The following SAR1B variants were observed in gnomAD, a reference collection of about 807,000 sequenced individuals.
The protein encoded by SAR1B is secretion associated Ras related GTPase 1B, also known as small COPII coat GTPase SAR1B.
SAR1B carries 23 observed loss-of-function variants against 26.8 expected under a neutral mutation model. That is an observed-to-expected ratio of 0.86 (90% CI 0.62 to 1.22). SAR1B has a LOEUF of 1.22. Ranked by LOEUF, SAR1B falls within the 50% of genes most tolerant of loss-of-function variation. The pLI is 0.00. For missense variants in SAR1B, 196 were observed against 232.8 expected (o/e 0.84, Z 1.03); for synonymous variants, 65 against 80.8 (o/e 0.80, Z 1.05).
chr5:134,607,208 T>C lies in SAR1B; in HGVS notation c.481-142A>G. 8.4e-6 allele frequency: 6 copies of C among 710,536 alleles called. 1 individual carries two copies. Among genetic ancestry groups the C allele is most frequent in the Middle Eastern group, 3.8e-4 (1 of 2,630 alleles). The allele number at this position is 710,536 out of a possible 1,614,324, so 44.0% of individuals were successfully genotyped here. A position where few individuals can be genotyped will look rare whatever the true frequency, so the allele number is the denominator to read the frequency against. ...GTGATAAAGTCGTGGCTGCTTGGCATCCAAGCCCCATGAACACACAAGAAG... is the reference window on the plus strand; with the variant it reads ...GTGATAAAGTCGTGGCTGCTTGGCACCCAAGCCCCATGAACACACAAGAAG... On this transcript the variant is annotated intron_variant, in intron 6 of 6. Coordinates refer to ENST00000402673, the MANE Select transcript of SAR1B (RefSeq NM_016103.4).
intron 1 of SAR1B, among the ~76,000 whole-genome samples, chr5:134,624,608 T>C (rs1341276912): frequency 1.4e-5 from 2 of 147,658 alleles, no homozygotes; most frequent in Non-Finnish European, 3.0e-5. Flanking sequence ...ATGTTGGAAA[T>C]GGGATAAGGG....
intron 4 of SAR1B, among the ~76,000 whole-genome samples, chr5:134,611,999 T>C (rs560253761): frequency 6.6e-6 from 1 of 152,246 alleles, no homozygotes; most frequent in African/African-American, 2.4e-5. Flanking sequence ...AGACCCTGTC[T>C]CTATAAGATA....
At chr5:134,611,394 G>A (rs918303043) in intron 4 of SAR1B, among the ~76,000 whole-genome samples, 1 of 152,038 alleles carries the variant, frequency 6.6e-6, no homozygotes, top group African/African-American at 2.4e-5. Context: ...GACTTACTAT[G>A]AGGTAGATGT....
chr5:134,608,353 A>ATTTTT lies in SAR1B; in HGVS notation c.480+14_480+18dup. The ATTTTT allele has an allele frequency of 2.0e-6, 3 of 1,468,510 alleles. No homozygotes were observed. The East Asian group carries it at 7.5e-5, about 37-fold the overall frequency. The allele number at this position is 1,468,510 out of a possible 1,614,324, so 91.0% of individuals were successfully genotyped here. A position where few individuals can be genotyped will look rare whatever the true frequency, so the allele number is the denominator to read the frequency against. ...TGTAGAATTAAACACACCCATCATA[A>ATTTTT]TTTTTTTTTTTTTTTTACCTTTCCT... On this transcript the variant is annotated intron_variant, in intron 6 of 6. Transcript: ENST00000402673.
chr5:134,626,551 G>A (rs898352842), intron 1 of SAR1B, among the ~76,000 whole-genome samples: 34 of 152,052 alleles, frequency 2.2e-4, no homozygotes, highest in Admixed American at 7.9e-4. Flanking sequence ...ACATACACAC[G>A]TCAGCAGATT....
At chr5:134,615,297 G>A (rs980734556) in intron 3 of SAR1B, among the ~76,000 whole-genome samples, 7 of 149,862 alleles carry the variant, frequency 4.7e-5, no homozygotes, top group African/African-American at 7.4e-5. Context: ...GCAATGAGCC[G>A]AGATTGCCCC....
intron 6 of SAR1B, among the ~76,000 whole-genome samples, chr5:134,608,134 A>C (rs1765158797): frequency 6.6e-6 from 1 of 152,194 alleles, no homozygotes; most frequent in South Asian, 2.1e-4. Flanking sequence ...GCTTTAATTT[A>C]GTTTCCTATA....
rs1038009630 is a variant in SAR1B at position 134,602,793 on chromosome 5, G to C, written c.*4157C>G. On this transcript the variant is annotated 3_prime_UTR_variant, in exon 7 of 7. Coordinates refer to ENST00000402673, the MANE Select transcript of SAR1B (RefSeq NM_016103.4). ...CTCGGGATGGTGAGGCACGAGAATC[G>C]CTTGAACCTGGGAAGCAGAGGTTGC... The C allele has an allele frequency of 6.6e-6, 1 of 151,872 alleles. No homozygotes were observed. Among genetic ancestry groups the C allele is most frequent in the Non-Finnish European group, 1.5e-5 (1 of 68,000 alleles). 9.4% of individuals were successfully genotyped at this position (151,872 alleles called of 1,614,324 possible).
At chr5:134,629,120 A>C (rs1273368970) in intron 1 of SAR1B, among the ~76,000 whole-genome samples, 3 of 151,984 alleles carry the variant, frequency 2.0e-5, no homozygotes, top group Admixed American at 1.3e-4. Context: ...GTCTTTAAAA[A>C]AAAAAAAAAA....
chr5:134,609,766 A>G, intron 4 of SAR1B, 92 bp from the exon 5 acceptor site: 1 of 921,364 alleles, frequency 1.1e-6, no homozygotes, highest in Non-Finnish European at 1.8e-6. Context: ...CAAGTGCGGT[A>G]ATCCCTTAGC....
At position 134,612,683 on chromosome 5, in the gene SAR1B, A is replaced by AAAAATTAC; in HGVS notation, c.244+7_244+8insGTAATTTT. 2 of 1,055,250 alleles carry AAAAATTAC rather than the reference A, an allele frequency of 1.9e-6. No homozygotes were observed. Among genetic ancestry groups the AAAAATTAC allele is most frequent in the Non-Finnish European group, 2.6e-6 (2 of 756,330 alleles). 65.4% of individuals were successfully genotyped at this position (1,055,250 alleles called of 1,614,324 possible). ...AAAAAAAAAAAAAAAAAAAAAAAAG[A>AAAAATTAC]ATCTTACCTTGAACATGTCCACCCA... On this transcript the variant is annotated splice_region_variant and intron_variant, in intron 4 of 6. Coordinates refer to ENST00000402673, the MANE Select transcript of SAR1B (RefSeq NM_016103.4).
intron 3 of SAR1B, chr5:134,613,118 T>A: frequency 3.2e-6 from 1 of 314,024 alleles, no homozygotes; most frequent in Non-Finnish European, 6.0e-6. Context: ...TCCTTTGTTC[T>A]CCTCTGCCTT....
chr5:134,621,599 T>A (rs903992908), intron 2 of SAR1B, among the ~76,000 whole-genome samples: 1 of 152,170 alleles, frequency 6.6e-6, no homozygotes, highest in Non-Finnish European at 1.5e-5. Context: ...TTAACATATC[T>A]ACAATGCCAA....
intron 3 of SAR1B, among the ~76,000 whole-genome samples, chr5:134,618,724 G>T (rs1011790956): frequency 5.3e-5 from 8 of 152,232 alleles, no homozygotes; most frequent in Admixed American, 3.9e-4. Flanking sequence ...TCAGCCAAGT[G>T]TGGTGGCTCA....
At chr5:134,625,228 G>A (rs562262884) in intron 1 of SAR1B, among the ~76,000 whole-genome samples, 1 of 152,232 alleles carries the variant, frequency 6.6e-6, no homozygotes, top group East Asian at 1.9e-4. Context: ...TTAAAAGACT[G>A]CCAAAAAAAG....
rs537067269 is a variant in SAR1B at position 134,628,143 on chromosome 5, CA to C, written c.-18-4107del. ...GGGGTGACAGAGCAAGACTCCGTCT[CA>C]AAAAAAAAAGAAAAAAAATACATAT... On this transcript the variant is annotated intron_variant, in intron 1 of 6. Transcript: ENST00000402673. 4.6e-4 allele frequency among the ~76,000 whole-genome samples: 64 copies of C among 140,624 alleles called. No homozygotes were observed. The South Asian group carries it at 4.8e-3, about 10-fold the overall frequency. The allele number at this position is 140,624 out of a possible 152,430, so 92.3% of individuals were successfully genotyped here.
At chr5:134,614,608 A>G (rs964548805) in intron 3 of SAR1B, 1 of 152,214 alleles carries the variant, frequency 6.6e-6, no homozygotes, top group African/African-American at 2.4e-5. Context: ...TACCCATTGC[A>G]TGCACAGATT....
intron 1 of SAR1B, among the ~76,000 whole-genome samples, chr5:134,630,560 A>G (rs1338270283): frequency 6.6e-6 from 1 of 151,542 alleles, no homozygotes; most frequent in Non-Finnish European, 1.5e-5. Context: ...AGCCGGACAG[A>G]TCACTTGAGT....
At chr5:134,609,076 C>T in intron 5 of SAR1B, 1 of 456,646 alleles carries the variant, frequency 2.2e-6, no homozygotes, top group Non-Finnish European at 4.4e-6. Flanking sequence ...ACTCTGTGGC[C>T]CCAGATCTGG....
Sources: allele counts gnomAD v4.1 joint callset (sites outside exome capture counted in the v4.1 genomes callset), GRCh38; gene constraint gnomAD v4.1.1; transcripts MANE v1.5; gene names NCBI Gene and HGNC (gene_info 2026-07-23, HGNC 2026-07-21).